DENND2B: variants seen among roughly 807,000 people sequenced by gnomAD.
The protein encoded by DENND2B is DENN domain-containing protein 2B.
DENND2B carries 32 observed loss-of-function variants against 116.0 expected under a neutral mutation model. The observed-to-expected ratio is 0.28, with a 90% CI of 0.21 to 0.37. The LOEUF is 0.37. Among genes scored for constraint, DENND2B ranks in the 10% least tolerant of loss-of-function variants. The probability of loss-of-function intolerance (pLI) is 1.00; values close to 1 mark genes in which losing one functional copy is unlikely to be tolerated. For missense variants in DENND2B, 1,276 were observed against 1,477.7 expected (o/e 0.86, Z 2.24); for synonymous variants, 588 against 583.9 (o/e 1.01, Z -0.10).
At chr11:8,799,553 CTT>C in intron 1 of DENND2B, among the ~76,000 whole-genome samples, 1 of 136,882 alleles carries the variant, frequency 7.3e-6, no homozygotes, top group East Asian at 2.2e-4. Context: ...TACCATCCTC[CTT>C]TTTCTCTTTT....
At chr11:8,861,845 C>A (rs1013776895) in intron 2 of DENND2B, among the ~76,000 whole-genome samples, 1 of 152,046 alleles carries the variant, frequency 6.6e-6, no homozygotes, top group Non-Finnish European at 1.5e-5. Flanking sequence ...TACTACTCAG[C>A]CATAAAAAAA....
chr11:8,801,594 T>C (rs2060316612), intron 1 of DENND2B, among the ~76,000 whole-genome samples: 1 of 151,718 alleles, frequency 6.6e-6, no homozygotes, highest in Admixed American at 6.6e-5. Flanking sequence ...GGAGAATTAC[T>C]TGAATCCGGA....
chr11:8,849,282 A>C (rs145262696), intron 3 of DENND2B, among the ~76,000 whole-genome samples: 4,702 of 147,166 alleles, frequency 0.032, 234 homozygotes, highest in African/African-American at 0.11. Flanking sequence ...AGCCTGAGGT[A>C]AGGAGTTCAA....
intron 3 of DENND2B, among the ~76,000 whole-genome samples, chr11:8,844,418 AAAAT>A (rs201667172): frequency 0.024 from 3,583 of 152,286 alleles, 144 homozygotes; most frequent in African/African-American, 0.081. Context: ...TGTTTTATTA[AAAAT>A]AAATAAATAT....
At chr11:8,765,319 C>T (rs924570885) in intron 1 of DENND2B, among the ~76,000 whole-genome samples, 1 of 152,222 alleles carries the variant, frequency 6.6e-6, no homozygotes, top group Non-Finnish European at 1.5e-5. Flanking sequence ...CAGGTCTGTG[C>T]TTCTCAGACT....
Position 8,699,180 on chromosome 11 carries a change from C to A in DENND2B, c.2898+33G>T, listed in dbSNP as rs138063585. 128 of 1,536,070 alleles carry A rather than the reference C, an allele frequency of 8.3e-5. No homozygotes were observed. The East Asian group carries it at 2.7e-3, about 32-fold the overall frequency. ...TCCCAGCACCTGCTTCCCCCTCCAC[C>A]CTTCCCCCCAGCTGGTTCCCCCGGT... On this transcript the variant is annotated intron_variant, in intron 15 of 19. Coordinates refer to ENST00000313726, the MANE Select transcript of DENND2B (RefSeq NM_213618.2).
intron 1 of DENND2B, among the ~76,000 whole-genome samples, chr11:8,804,351 T>C (rs2060631300): frequency 7.2e-6 from 1 of 139,470 alleles, no homozygotes; most frequent in East Asian, 2.1e-4. Flanking sequence ...TTCTGCCTGA[T>C]GCAGCAGCCA....
intron 4 of DENND2B, among the ~76,000 whole-genome samples, chr11:8,823,001 G>A (rs1209821990): frequency 1.3e-5 from 2 of 152,138 alleles, no homozygotes; most frequent in African/African-American, 2.4e-5. Context: ...ATTACTTTTA[G>A]TTAATGAGGT....
intron 1 of DENND2B, among the ~76,000 whole-genome samples, chr11:8,774,735 G>C (rs1326086381): frequency 6.6e-6 from 1 of 152,168 alleles, no homozygotes; most frequent in Non-Finnish European, 1.5e-5. Context: ...CCCAGGCCCT[G>C]AAGCCCAACC....
intron 2 of DENND2B, among the ~76,000 whole-genome samples, chr11:8,878,298 A>C (rs2063865769): frequency 1.3e-5 from 2 of 152,240 alleles, no homozygotes; most frequent in Non-Finnish European, 2.9e-5. Context: ...AACTGAAAAC[A>C]ATTGTTCAAC....
At chr11:8,880,349 GTGTGT>G (rs1566079954) in intron 2 of DENND2B, among the ~76,000 whole-genome samples, 290 of 149,904 alleles carry the variant, frequency 1.9e-3, no homozygotes, top group South Asian at 5.2e-3. Context: ...TTTGAACTGT[GTGTGT>G]GTGTGTGTGT....
At position 8,707,062 on chromosome 11, in the gene DENND2B, G is replaced by A; in HGVS notation, c.2571+23C>T. On this transcript the variant is annotated intron_variant, in intron 13 of 19. Coordinates refer to ENST00000313726, the MANE Select transcript of DENND2B (RefSeq NM_213618.2). This position sits in a 1 kb window ranked among gnomAD's most constrained non-coding sequence, Gnocchi z 4.8. ...TGCCACCCCAGCCCGTAGCCCGAGA[G>A]AAGAGGGTGCAGAAATCCCTACCTC... is the stretch of plus-strand genomic sequence containing the variant. 1.2e-6 allele frequency: 2 copies of A among 1,606,052 alleles called. No individual in the cohort carries two copies. Among genetic ancestry groups the A allele is most frequent in the Non-Finnish European group, 1.7e-6 (2 of 1,174,926 alleles).
At chr11:8,872,441 C>G (rs964367471), upstream of DENND2B, among the ~76,000 whole-genome samples, 1 of 148,014 alleles carries the variant, frequency 6.8e-6, no homozygotes, top group Admixed American at 6.8e-5. Context: ...AAGCCAAGAT[C>G]GCACCACTGC....
chr11:8,890,977 AG>A (rs2064024707), intron 1 of DENND2B, among the ~76,000 whole-genome samples: 2 of 152,240 alleles, frequency 1.3e-5, no homozygotes, highest in Non-Finnish European at 1.5e-5. Flanking sequence ...AAAAATGTTA[AG>A]GGCAGCCAGA....
At chr11:8,810,704 T>C (rs1481292010), upstream of DENND2B, 3 of 152,128 alleles carry the variant, frequency 2.0e-5, no homozygotes, top group Admixed American at 2.0e-4. Flanking sequence ...GCCAGGCCGG[T>C]TGTCATGGAG....
intron 1 of DENND2B, among the ~76,000 whole-genome samples, chr11:8,897,212 G>A (rs1410150641): frequency 6.6e-6 from 1 of 152,122 alleles, no homozygotes; most frequent in Non-Finnish European, 1.5e-5. Flanking sequence ...AGCAGAGATT[G>A]CGCCACTGCA....
At chr11:8,883,625 C>T (rs1162201079) in intron 1 of DENND2B, among the ~76,000 whole-genome samples, 7 of 152,144 alleles carry the variant, frequency 4.6e-5, no homozygotes, top group African/African-American at 1.7e-4. Context: ...GCCTATGAAG[C>T]CAAAACATTA....
intron 4 of DENND2B, among the ~76,000 whole-genome samples, chr11:8,819,505 A>G (rs1027651068): frequency 2.0e-5 from 3 of 152,248 alleles, no homozygotes; most frequent in African/African-American, 7.2e-5. Context: ...CGGTGGAGAA[A>G]TGGACACATA....
chr11:8,885,539 T>A (rs992258657), intron 1 of DENND2B, among the ~76,000 whole-genome samples: 1 of 152,224 alleles, frequency 6.6e-6, no homozygotes, highest in Non-Finnish European at 1.5e-5. Flanking sequence ...TATTTATGCA[T>A]ACTTAATTAA....
Sources: allele counts gnomAD v4.1 joint callset (sites outside exome capture counted in the v4.1 genomes callset), GRCh38; gene constraint gnomAD v4.1.1; non-coding constraint Gnocchi (gnomAD v3.1); transcripts MANE v1.5; gene names NCBI Gene and HGNC (gene_info 2026-07-23, HGNC 2026-07-21).